The following STRBP variants were observed in gnomAD, a reference collection of about 807,000 sequenced individuals.
The protein encoded by STRBP is spermatid perinuclear RNA binding protein.
A neutral mutation model predicts 80.1 loss-of-function variants in STRBP; 13 were observed. The ratio of observed to expected loss-of-function variants is 0.16; its 90% CI spans 0.11 to 0.26. STRBP has a LOEUF of 0.26. STRBP is among the 10% of genes least tolerant of loss of function. The pLI is 1.00. For synonymous variants in STRBP, 284 were observed against 291.2 expected, an observed-to-expected ratio of 0.98 and a Z score of 0.25; for missense variants, 485 against 815.2, an observed-to-expected ratio of 0.59 and a Z score of 4.93.
At chr9:123,133,650 C>T (rs992291271) in intron 16 of STRBP, among the ~76,000 whole-genome samples, 4 of 152,080 alleles carry the variant, frequency 2.6e-5, no homozygotes, top group Non-Finnish European at 5.9e-5. Context: ...AGTGATTCTC[C>T]TGCCTCAGCC....
intron 6 of STRBP, among the ~76,000 whole-genome samples, chr9:123,164,874 G>A (rs1405410752): frequency 6.6e-6 from 1 of 152,184 alleles, no homozygotes; most frequent in East Asian, 1.9e-4. Flanking sequence ...ACAGATAAAT[G>A]TAGCAATAAG....
At chr9:123,223,168 A>T (rs2040126762) in intron 2 of STRBP, among the ~76,000 whole-genome samples, 1 of 152,212 alleles carries the variant, frequency 6.6e-6, no homozygotes, top group Admixed American at 6.5e-5. Flanking sequence ...AAAGGGCAGA[A>T]CTAAAGACAA....
At chr9:123,180,324 C>T (rs952139293) in intron 3 of STRBP, among the ~76,000 whole-genome samples, 5 of 152,096 alleles carry the variant, frequency 3.3e-5, no homozygotes, top group African/African-American at 1.2e-4. Context: ...TCTGTGAACA[C>T]TATAAGAAAA....
intron 2 of STRBP, among the ~76,000 whole-genome samples, chr9:123,190,242 T>C (rs2038872515): frequency 6.7e-6 from 1 of 149,164 alleles, no homozygotes; most frequent in Non-Finnish European, 1.5e-5. Context: ...ATCGTGCCAC[T>C]GCACTCCACC....
At chr9:123,230,333 C>A (rs1461531309) in intron 2 of STRBP, among the ~76,000 whole-genome samples, 2 of 152,224 alleles carry the variant, frequency 1.3e-5, no homozygotes, top group Admixed American at 6.5e-5. Flanking sequence ...TATCACGTAA[C>A]TTGACATTGA....
chr9:123,125,026 A>G lies in STRBP; in HGVS notation c.*571T>C. 1 of 985,506 alleles carries G rather than the reference A, an allele frequency of 1.0e-6. No homozygotes were observed. Among genetic ancestry groups the G allele is most frequent in the Non-Finnish European group, 1.2e-6 (1 of 829,568 alleles). The allele number at this position is 985,506 out of a possible 1,614,324, so 61.0% of individuals were successfully genotyped here. A position where few individuals can be genotyped will look rare whatever the true frequency, so the allele number is the denominator to read the frequency against. On this transcript the variant is annotated 3_prime_UTR_variant, in exon 19 of 19. Transcript: ENST00000348403. ...ATACCAAAACATATCAAAAATAATAAGCTAAAACAATATTCAAACCCATAT... is the reference window on the plus strand; with the variant it reads ...ATACCAAAACATATCAAAAATAATAGGCTAAAACAATATTCAAACCCATAT...
chr9:123,200,734 ATTT>A (rs71390418), intron 2 of STRBP, among the ~76,000 whole-genome samples: 121 of 37,500 alleles, frequency 3.2e-3, no homozygotes, highest in East Asian at 6.8e-3. Flanking sequence ...CACCCCGCTA[ATTT>A]TTTTTTTTTT....
intron 2 of STRBP, among the ~76,000 whole-genome samples, chr9:123,185,343 G>A (rs1407271877): frequency 1.3e-5 from 2 of 152,164 alleles, no homozygotes; most frequent in African/African-American, 4.8e-5. Flanking sequence ...AAGACGGGAG[G>A]ATTGCTTGAA....
intron 6 of STRBP, among the ~76,000 whole-genome samples, chr9:123,168,547 T>G (rs1206970213): frequency 1.3e-5 from 2 of 152,194 alleles, no homozygotes; most frequent in Non-Finnish European, 2.9e-5. Context: ...ACTGGTACCT[T>G]TTTCTCTACC....
In STRBP at chr9:123,123,842, GCT is replaced by G. The variant is rs1292244881; in HGVS notation, c.*1753_*1754del. ...GCCATGCTTTTTCTTCTCAGTGATG[GCT>G]CTGTTTCATCCATAGGTCAGCAAAA... On this transcript the variant is annotated 3_prime_UTR_variant, in exon 19 of 19. Transcript: ENST00000348403. 4 of 985,216 alleles carry G rather than the reference GCT, an allele frequency of 4.1e-6. No homozygotes were observed. Among genetic ancestry groups the G allele is most frequent in the South Asian group, 4.7e-5 (1 of 21,286 alleles). 61.0% of individuals were successfully genotyped at this position (985,216 alleles called of 1,614,324 possible).
chr9:123,137,970 T>C (rs2036432390), intron 14 of STRBP, among the ~76,000 whole-genome samples: 1 of 152,214 alleles, frequency 6.6e-6, no homozygotes. Context: ...ACTAGGTCTA[T>C]AGTAATCACT....
intron 1 of STRBP, 40 bp downstream of exon 1, chr9:123,268,396 G>C (rs2041326231): frequency 6.7e-6 from 1 of 150,344 alleles, no homozygotes; most frequent in Non-Finnish European, 1.5e-5. Context: ...CGCCCGGGAC[G>C]GCCCGCCGCG....
At chr9:123,201,859 G>A (rs1198978299) in intron 2 of STRBP, among the ~76,000 whole-genome samples, 1 of 152,150 alleles carries the variant, frequency 6.6e-6, no homozygotes, top group African/African-American at 2.4e-5. Context: ...ATCTACCACT[G>A]CTATTGTTTT....
chr9:123,172,535 C>T (rs2038053673), intron 5 of STRBP, among the ~76,000 whole-genome samples: 3 of 152,044 alleles, frequency 2.0e-5, no homozygotes, highest in Admixed American at 6.6e-5. Context: ...CTATAAAAGA[C>T]CAGAAAACAT....
At chr9:123,116,203 T>C (rs1353231713) in intron 2 of STRBP, 1 of 425,032 alleles carries the variant, frequency 2.4e-6, no homozygotes, top group Non-Finnish European at 4.7e-6. Context: ...AATGTGTTAC[T>C]GTGACGGTGA....
chr9:123,194,585 T>G (rs926903395), intron 2 of STRBP, among the ~76,000 whole-genome samples: 2 of 152,200 alleles, frequency 1.3e-5, no homozygotes, highest in Admixed American at 6.5e-5. Flanking sequence ...AGAGCATAAC[T>G]GAGTTTACAC....
downstream of STRBP, among the ~76,000 whole-genome samples, chr9:123,117,519 A>G (rs565157444): frequency 2.0e-5 from 3 of 152,224 alleles, no homozygotes; most frequent in Admixed American, 6.5e-5. Flanking sequence ...CACGGGTCCA[A>G]CTTGGAGGGA....
chr9:123,251,518 T>C (rs1021556336), intron 1 of STRBP, among the ~76,000 whole-genome samples: 5 of 152,154 alleles, frequency 3.3e-5, no homozygotes, highest in African/African-American at 4.8e-5. Context: ...TAATACCGGA[T>C]TGGAAATCAA....
At chr9:123,223,994 T>C (rs1175350507) in intron 2 of STRBP, among the ~76,000 whole-genome samples, 1 of 152,072 alleles carries the variant, frequency 6.6e-6, no homozygotes, top group Non-Finnish European at 1.5e-5. Context: ...ATGCTATAGT[T>C]AGAAAAATTC....
Sources: allele counts gnomAD v4.1 joint callset (sites outside exome capture counted in the v4.1 genomes callset), GRCh38; gene constraint gnomAD v4.1.1; transcripts MANE v1.5; gene names NCBI Gene and HGNC (gene_info 2026-07-23, HGNC 2026-07-21).